Variants in MPZL3 observed in about 807,000 individuals in gnomAD.
The protein encoded by MPZL3 is myelin protein zero-like protein 3.
A neutral mutation model predicts 24.8 loss-of-function variants in MPZL3; 23 were observed. The observed-to-expected ratio is 0.93, with a 90% CI of 0.67 to 1.31. The LOEUF is 1.31. MPZL3 is among the 40% of genes most tolerant of loss of function. MPZL3 has a pLI of 0.00. For synonymous variants in MPZL3, 99 were observed against 106.5 expected (o/e 0.93, Z 0.44); for missense variants, 277 against 294.9 (o/e 0.94, Z 0.44).
chr11:118,233,796 C>T (rs1344606656), intron 4 of MPZL3, among the ~76,000 whole-genome samples: 1 of 152,106 alleles, frequency 6.6e-6, no homozygotes, highest in African/African-American at 2.4e-5. Context: ...GAGTTTGAGA[C>T]CAGCCTGGCC....
At chr11:118,245,086 G>GA in intron 1 of MPZL3, among the ~76,000 whole-genome samples, 1 of 150,666 alleles carries the variant, frequency 6.6e-6, no homozygotes, top group Non-Finnish European at 1.5e-5. Context: ...AAAAAAAGAA[G>GA]AAAAAAAAGA....
chr11:118,248,070 CTTTTTTTTTT>C lies in MPZL3; in HGVS notation c.73+4142_73+4151del, dbSNP rs60335848. Reference sequence around the variant, plus strand: ...AACTAGACCAAACCAACAGTTTCCTCTTTTTTTTTTTTTTTTTTTTTTTGAGATGGAGTCT... The same window carrying C: ...AACTAGACCAAACCAACAGTTTCCTCTTTTTTTTTTTTTGAGATGGAGTCT... On this transcript the variant is annotated intron_variant, in intron 1 of 5. Transcript: ENST00000278949. Among the ~76,000 whole-genome samples, 352 of 99,024 alleles carry C rather than the reference CTTTTTTTTTT, an allele frequency of 3.6e-3. 2 individuals carry two copies. Among genetic ancestry groups the C allele is most frequent in the African/African-American group, 0.011 (325 of 30,562 alleles). 65.0% of individuals were successfully genotyped at this position (99,024 alleles called of 152,430 possible). A position where few individuals can be genotyped will look rare whatever the true frequency, so the allele number is the denominator to read the frequency against.
At chr11:118,233,431 A>C in intron 5 of MPZL3, 29 bp downstream of exon 5, 1 of 1,613,230 alleles carries the variant, frequency 6.2e-7, no homozygotes, top group African/African-American at 1.3e-5. Context: ...GGACATCAAC[A>C]GTAAGCAGAA....
chr11:118,237,917 A>T (rs896455353), intron 2 of MPZL3, among the ~76,000 whole-genome samples: 4 of 152,154 alleles, frequency 2.6e-5, no homozygotes, highest in Non-Finnish European at 4.4e-5. Context: ...TGAGCACATT[A>T]CTTGAACTCA....
At chr11:118,231,060 A>T (rs2134692663) in intron 5 of MPZL3, among the ~76,000 whole-genome samples, 1 of 152,306 alleles carries the variant, frequency 6.6e-6, no homozygotes, top group Non-Finnish European at 1.5e-5. Flanking sequence ...AGTCCTTGAA[A>T]GAGTTGTTTA....
chr11:118,235,818 AG>A (rs1176579477), intron 3 of MPZL3, among the ~76,000 whole-genome samples: 3 of 152,170 alleles, frequency 2.0e-5, no homozygotes, highest in African/African-American at 7.2e-5. Flanking sequence ...ATCTTCTTCT[AG>A]GGGTATCGGG....
chr11:118,248,618 T>G (rs1949582960), intron 1 of MPZL3, among the ~76,000 whole-genome samples: 1 of 151,864 alleles, frequency 6.6e-6, no homozygotes, highest in Non-Finnish European at 1.5e-5. Context: ...AAGTAATAGT[T>G]TATCCATGGA....
intron 1 of MPZL3, among the ~76,000 whole-genome samples, chr11:118,246,445 T>C (rs1320431363): frequency 6.6e-6 from 1 of 150,642 alleles, no homozygotes; most frequent in East Asian, 1.9e-4. Flanking sequence ...TTTTTTTTTT[T>C]GATACCTACC....
intron 5 of MPZL3, among the ~76,000 whole-genome samples, chr11:118,233,201 T>C (rs1949375113): frequency 6.6e-6 from 1 of 152,156 alleles, no homozygotes; most frequent in Non-Finnish European, 1.5e-5. Flanking sequence ...TTTCTGTCAG[T>C]CAGCAGAAAC....
At chr11:118,232,358 T>C (rs2134694193) in intron 5 of MPZL3, among the ~76,000 whole-genome samples, 1 of 152,248 alleles carries the variant, frequency 6.6e-6, no homozygotes, top group East Asian at 1.9e-4. Flanking sequence ...CTCCATATCA[T>C]TAAGTACCAT....
At chr11:118,237,021 CAGA>C (rs756197384) in intron 3 of MPZL3, 26 bp downstream of exon 3, 7 of 1,598,186 alleles carry the variant, frequency 4.4e-6, no homozygotes, top group South Asian at 1.1e-5. Flanking sequence ...CAGAGCACTG[CAGA>C]AGAAGGTTGG....
Position 118,235,430 on chromosome 11 carries a change from G to A in MPZL3, c.611C>T (p.Ser204Phe), listed in dbSNP as rs368653725. 212 of 1,613,462 alleles carry A rather than the reference G, an allele frequency of 1.3e-4. No individual in the cohort carries two copies. The highest frequency in any genetic ancestry group is 1.8e-4 in the Non-Finnish European group (207 of 1,179,754). ...GGGCTCCTGCTGGACTTACTCATCG[G>A]AAACCTCAATAGATGACTTCTTATA... ...SGYKKSSIEVSDDTDQEEEEA... is the reference protein window; with the variant it reads ...SGYKKSSIEVFDDTDQEEEEA... The change falls in exon 4 of 6, where the codon TCC becomes TTC. Residue 204 changes from serine to phenylalanine, a missense_variant. Transcript: ENST00000278949.
At chr11:118,240,727 CCGCAGACA>C (rs1333298267) in intron 1 of MPZL3, among the ~76,000 whole-genome samples, 3 of 122,602 alleles carry the variant, frequency 2.4e-5, no homozygotes, top group African/African-American at 5.8e-5. Context: ...CTTCCATCCC[CCGCAGACA>C]CACACACACA....
At chr11:118,244,677 G>A (rs760933709) in intron 1 of MPZL3, among the ~76,000 whole-genome samples, 1 of 152,208 alleles carries the variant, frequency 6.6e-6, no homozygotes, top group Non-Finnish European at 1.5e-5. Context: ...AGACCAGGCA[G>A]GACCTTACAG....
intron 2 of MPZL3, among the ~76,000 whole-genome samples, chr11:118,238,849 TA>T (rs145494464): frequency 0.045 from 6,860 of 151,766 alleles, 535 homozygotes; most frequent in African/African-American, 0.15. Flanking sequence ...AAGGGGGAGG[TA>T]AAGAATCCCT....
At chr11:118,250,988 C>CAG (rs1949613665) in intron 1 of MPZL3, among the ~76,000 whole-genome samples, 1 of 152,068 alleles carries the variant, frequency 6.6e-6, no homozygotes, top group African/African-American at 2.4e-5. Context: ...CTGGACTTGA[C>CAG]AGATGCTCTT....
At chr11:118,246,740 A>T (rs962181184) in intron 1 of MPZL3, among the ~76,000 whole-genome samples, 5 of 151,604 alleles carry the variant, frequency 3.3e-5, no homozygotes, top group Non-Finnish European at 7.4e-5. Flanking sequence ...GTGTGCCACC[A>T]CACCTGGCTA....
chr11:118,240,523 C>A (rs1311272272), intron 1 of MPZL3, 146 bp from the exon 2 acceptor site: 2 of 713,856 alleles, frequency 2.8e-6, no homozygotes, highest in Non-Finnish European at 4.4e-6. Flanking sequence ...CCACAAGGGA[C>A]AAGGAGTTGA....
intron 1 of MPZL3, among the ~76,000 whole-genome samples, chr11:118,250,556 A>C (rs539676926): frequency 6.6e-6 from 1 of 151,302 alleles, no homozygotes; most frequent in Non-Finnish European, 1.5e-5. Flanking sequence ...TAATATGATA[A>C]ACCAGTTGTT....
Sources: allele counts gnomAD v4.1 joint callset (sites outside exome capture counted in the v4.1 genomes callset), GRCh38; gene constraint gnomAD v4.1.1; transcripts MANE v1.5; gene names NCBI Gene and HGNC (gene_info 2026-07-23, HGNC 2026-07-21).